The following FHIT variants were observed in gnomAD, a reference collection of about 807,000 sequenced individuals.
FHIT encodes the protein bis(5'-adenosyl)-triphosphatase.
FHIT carries 19 observed loss-of-function variants against 17.9 expected under a neutral mutation model. That is an observed-to-expected ratio of 1.06 (90% CI 0.74 to 1.56). The LOEUF is 1.56. Among genes scored for constraint, FHIT ranks in the 40% most tolerant of loss-of-function variants. The pLI, the probability that FHIT is intolerant of heterozygous loss-of-function variation, is 0.00. For synonymous variants in FHIT, 81 were observed against 69.7 expected, an observed-to-expected ratio of 1.16 and a Z score of -0.81; for missense variants, 248 against 189.2, an observed-to-expected ratio of 1.31 and a Z score of -1.82.
intron 2 of FHIT, among the ~76,000 whole-genome samples, chr3:61,124,333 A>C (rs963302810): frequency 1.3e-5 from 2 of 152,328 alleles, no homozygotes; most frequent in South Asian, 4.1e-4. Flanking sequence ...CTTTCTTTGA[A>C]TGCCCGAACT....
chr3:59,783,447 GA>G (rs1280381343), intron 8 of FHIT, among the ~76,000 whole-genome samples: 15 of 152,130 alleles, frequency 9.9e-5, no homozygotes, highest in African/African-American at 3.6e-4. Flanking sequence ...CCAGCCTGGT[GA>G]CAGAGCGAGA....
chr3:60,242,505 A>C (rs1182308714), intron 5 of FHIT, among the ~76,000 whole-genome samples: 7 of 152,120 alleles, frequency 4.6e-5, no homozygotes, highest in Admixed American at 4.6e-4. Flanking sequence ...TCTTCATGAG[A>C]TAAATTATAT....
chr3:60,167,019 G>A (rs1701206191), intron 5 of FHIT, among the ~76,000 whole-genome samples: 1 of 152,114 alleles, frequency 6.6e-6, no homozygotes, highest in Admixed American at 6.6e-5. Context: ...CACACACCAT[G>A]CTTTGCATGG....
At chr3:60,382,288 A>G (rs971796333) in intron 5 of FHIT, among the ~76,000 whole-genome samples, 1 of 152,268 alleles carries the variant, frequency 6.6e-6, no homozygotes, top group Non-Finnish European at 1.5e-5. Context: ...AAGAACTTGC[A>G]TTAGCAGCAG....
chr3:60,809,204 A>C (rs181549331), intron 4 of FHIT, among the ~76,000 whole-genome samples: 2 of 152,336 alleles, frequency 1.3e-5, no homozygotes, highest in Non-Finnish European at 2.9e-5. Context: ...ATATCATTAA[A>C]TATGACATTG....
intron 5 of FHIT, among the ~76,000 whole-genome samples, chr3:60,449,460 G>A (rs1402308705): frequency 6.6e-6 from 1 of 151,690 alleles, no homozygotes; most frequent in African/African-American, 2.4e-5. Context: ...ATGCAGTAAT[G>A]TGGCACTTAA....
chr3:59,912,096 G>T (rs77545131), intron 8 of FHIT, among the ~76,000 whole-genome samples: 1 of 152,172 alleles, frequency 6.6e-6, no homozygotes, highest in Non-Finnish European at 1.5e-5. Flanking sequence ...TACACATGAT[G>T]GAGATAAATG....
intron 5 of FHIT, among the ~76,000 whole-genome samples, chr3:60,388,552 G>A (rs954511432): frequency 5.9e-5 from 9 of 152,120 alleles, no homozygotes; most frequent in South Asian, 2.1e-4. Flanking sequence ...AATGAGCAGC[G>A]ATCATGCCAC....
At chr3:60,795,833 T>G (rs1412274611) in intron 4 of FHIT, among the ~76,000 whole-genome samples, 1 of 152,206 alleles carries the variant, frequency 6.6e-6, no homozygotes, top group Non-Finnish European at 1.5e-5. Flanking sequence ...TTTTTTGTTT[T>G]TGTACTCCCT....
chr3:60,133,846 A>T (rs1699698421), intron 5 of FHIT, among the ~76,000 whole-genome samples: 1 of 131,436 alleles, frequency 7.6e-6, no homozygotes, highest in African/African-American at 2.6e-5. Context: ...ATAAAGAATT[A>T]AAAAAAAAAA....
chr3:60,093,594 G>A (rs560511391), intron 5 of FHIT, among the ~76,000 whole-genome samples: 331 of 152,228 alleles, frequency 2.2e-3, no homozygotes, highest in Non-Finnish European at 4.1e-3. Flanking sequence ...CCCAACCGCC[G>A]TGCCACACAG....
rs139160473 is a variant in FHIT at position 60,873,508 on chromosome 3, T to C, written c.-110-51497A>G. ...TGTTCTCCCGACAAAGGGCCTGCCC[T>C]TCTTCTACAGATGGGTTTACCATTC... On this transcript the variant is annotated intron_variant, in intron 3 of 9. Transcript: ENST00000492590. Among the ~76,000 whole-genome samples, 158 of 152,330 alleles carry C rather than the reference T, an allele frequency of 1.0e-3. 1 individual carries two copies. The highest frequency in any genetic ancestry group is 3.7e-3 in the African/African-American group (155 of 41,592).
chr3:61,038,654 A>T (rs1178931964), intron 3 of FHIT, among the ~76,000 whole-genome samples: 2 of 152,226 alleles, frequency 1.3e-5, no homozygotes, highest in Non-Finnish European at 1.5e-5. Flanking sequence ...TTACAGCTGC[A>T]TTCTGAAATA....
intron 3 of FHIT, among the ~76,000 whole-genome samples, chr3:61,002,057 T>C (rs2107605318): frequency 6.6e-6 from 1 of 152,350 alleles, no homozygotes; most frequent in Admixed American, 6.5e-5. Flanking sequence ...TGCAATGTGA[T>C]GTTTTGATAT....
chr3:60,878,296 T>C lies in FHIT; in HGVS notation c.-110-56285A>G, dbSNP rs142485399. On this transcript the variant is annotated intron_variant, in intron 3 of 9. Transcript: ENST00000492590. The stretch of plus-strand genomic sequence containing the variant: ...CCACAATAGGCTTGTGAAACTCTGA[T>C]ATTAGCACCCTGACTCCATAGCCAC... Among the ~76,000 whole-genome samples the C allele has an allele frequency of 3.3e-5, 5 of 152,166 alleles. No homozygotes were observed. In the East Asian group the frequency reaches 7.8e-4, roughly 24 times the overall value.
At chr3:60,881,514 A>C (rs782366939) in intron 3 of FHIT, among the ~76,000 whole-genome samples, 9 of 152,214 alleles carry the variant, frequency 5.9e-5, no homozygotes, top group Non-Finnish European at 7.3e-5. Flanking sequence ...AACATCCTCA[A>C]GGACAGATCA....
At chr3:60,037,867 C>A (rs886332719) in intron 5 of FHIT, among the ~76,000 whole-genome samples, 2 of 152,090 alleles carry the variant, frequency 1.3e-5, no homozygotes, top group Admixed American at 1.3e-4. Context: ...GTGCATACTG[C>A]CATGCCCGGC....
At chr3:59,897,831 A>G (rs1169575301) in intron 8 of FHIT, among the ~76,000 whole-genome samples, 2 of 150,926 alleles carry the variant, frequency 1.3e-5, no homozygotes, top group East Asian at 3.9e-4. Flanking sequence ...CAGTGGCGCG[A>G]TCTCGGCTCA....
chr3:61,170,540 A>G (rs2037972756), intron 2 of FHIT, among the ~76,000 whole-genome samples: 1 of 151,976 alleles, frequency 6.6e-6, no homozygotes, highest in East Asian at 1.9e-4. Context: ...CCACCCTCCA[A>G]TAGGCCCTAG....
Sources: allele counts gnomAD v4.1 joint callset (sites outside exome capture counted in the v4.1 genomes callset), GRCh38; gene constraint gnomAD v4.1.1; transcripts MANE v1.5; gene names NCBI Gene and HGNC (gene_info 2026-07-23, HGNC 2026-07-21).